ERBIN: variants seen among roughly 807,000 people sequenced by gnomAD.
The protein encoded by ERBIN is erbb2 interacting protein.
ERBIN carries 60 observed loss-of-function variants against 158.4 expected under a neutral mutation model. The observed-to-expected ratio is 0.38, with a 90% CI of 0.31 to 0.47. ERBIN has a LOEUF of 0.47. Ranked by LOEUF, ERBIN falls within the 20% of genes least tolerant of loss-of-function variation. The probability of loss-of-function intolerance (pLI) is 0.99; values close to 1 mark genes in which losing one functional copy is unlikely to be tolerated. For synonymous variants in ERBIN, 594 were observed against 557.2 expected, an observed-to-expected ratio of 1.07 and a Z score of -0.93; for missense variants, 1,610 against 1,648.0, an observed-to-expected ratio of 0.98 and a Z score of 0.40.
chr5:66,044,390 C>T (rs1758207254), intron 17 of ERBIN, 80 bp downstream of exon 17: 1 of 1,300,994 alleles, frequency 7.7e-7, no homozygotes, highest in Admixed American at 2.3e-5. Flanking sequence ...TGCCCCTTTT[C>T]ATGTACTCTG....
At chr5:65,996,845 TTTAG>T (rs1287667634) in intron 4 of ERBIN, among the ~76,000 whole-genome samples, 1 of 152,184 alleles carries the variant, frequency 6.6e-6, no homozygotes, top group Non-Finnish European at 1.5e-5. Context: ...CTTTTACCTC[TTTAG>T]TTAAATTTAT....
chr5:65,962,024 T>C (rs1382159906), intron 1 of ERBIN, among the ~76,000 whole-genome samples: 8 of 152,228 alleles, frequency 5.3e-5, no homozygotes, highest in African/African-American at 1.9e-4. Flanking sequence ...AGTTAATATC[T>C]GAAAGAAATG....
chr5:66,026,557 C>T lies in ERBIN; in HGVS notation c.1136+140C>T, dbSNP rs1018283548. On this transcript the variant is annotated intron_variant, in intron 13 of 25. Coordinates refer to ENST00000284037, the MANE Select transcript of ERBIN (RefSeq NM_001253697.2). Reference sequence around the variant, plus strand: ...GTAAGTTCTCAGTGTTATTGATAGGCTCTTGGAAAGTGTGACTTTCAGTGA... The same window carrying T: ...GTAAGTTCTCAGTGTTATTGATAGGTTCTTGGAAAGTGTGACTTTCAGTGA... 2.0e-5 allele frequency: 8 copies of T among 406,154 alleles called. 1 individual carries two copies. The highest frequency in any genetic ancestry group is 3.5e-5 in the Non-Finnish European group (8 of 231,162). 25.2% of individuals were successfully genotyped at this position (406,154 alleles called of 1,614,324 possible).
intron 4 of ERBIN, among the ~76,000 whole-genome samples, chr5:66,006,868 G>A (rs9687388): frequency 0.057 from 8,522 of 148,246 alleles, 737 homozygotes; most frequent in African/African-American, 0.2. Flanking sequence ...TAGAATGGCA[G>A]TCATTAAAAA....
chr5:66,067,598 T>C (rs1236432253), intron 21 of ERBIN, among the ~76,000 whole-genome samples: 1 of 152,182 alleles, frequency 6.6e-6, no homozygotes, highest in African/African-American at 2.4e-5. Flanking sequence ...TGAATTCAGT[T>C]TGTGAGAGGA....
intron 1 of ERBIN, among the ~76,000 whole-genome samples, chr5:65,969,962 G>A (rs1419500482): frequency 6.6e-6 from 1 of 152,068 alleles, no homozygotes; most frequent in Non-Finnish European, 1.5e-5. Flanking sequence ...TTAATATTAA[G>A]CATGATAAAC....
At chr5:66,074,175 C>T (rs1205827487) in intron 22 of ERBIN, among the ~76,000 whole-genome samples, 1 of 150,354 alleles carries the variant, frequency 6.7e-6, no homozygotes, top group Non-Finnish European at 1.5e-5. Context: ...TAGGCATGAG[C>T]TACTGCACCC....
At chr5:66,000,542 G>C (rs1390432071) in intron 4 of ERBIN, among the ~76,000 whole-genome samples, 1 of 152,070 alleles carries the variant, frequency 6.6e-6, no homozygotes, top group African/African-American at 2.4e-5. Context: ...TAATCTTTAT[G>C]TGATCAAAAG....
chr5:66,059,689 C>G (rs1760035718), intron 21 of ERBIN, among the ~76,000 whole-genome samples: 1 of 152,116 alleles, frequency 6.6e-6, no homozygotes, highest in Non-Finnish European at 1.5e-5. Flanking sequence ...ATAGACAGCT[C>G]TTACTATTTT....
chr5:66,002,944 C>G (rs574179230), intron 4 of ERBIN, among the ~76,000 whole-genome samples: 1 of 152,300 alleles, frequency 6.6e-6, no homozygotes, highest in African/African-American at 2.4e-5. Flanking sequence ...CATGTTTAGA[C>G]TGGTGATTTC....
chr5:66,039,224 G>C lies in ERBIN; in HGVS notation c.1306+742G>C, dbSNP rs143354281. 2.3e-3 allele frequency among the ~76,000 whole-genome samples: 351 copies of C among 152,030 alleles called. 1 individual carries two copies. The highest frequency in any genetic ancestry group is 7.8e-3 in the African/African-American group (324 of 41,532). On this transcript the variant is annotated intron_variant, in intron 15 of 25. Coordinates refer to ENST00000284037, the MANE Select transcript of ERBIN (RefSeq NM_001253697.2). ...AATTTATAAATTATACCACGGGCAA[G>C]TTAAATAGGTTCTTGAACTTCAGTT...
chr5:65,938,529 C>T (rs4099723), intron 1 of ERBIN, among the ~76,000 whole-genome samples: 2,617 of 151,772 alleles, frequency 0.017, 75 homozygotes, highest in African/African-American at 0.061. Context: ...GGTCCCACTC[C>T]GTTGCCCAGG....
rs1317188998 is a variant in ERBIN at position 66,043,119 on chromosome 5, G to A, written c.1349G>A (p.Trp450Ter). 1 of 1,610,730 alleles carries A rather than the reference G, an allele frequency of 6.2e-7. No individual in the cohort carries two copies. Among genetic ancestry groups the A allele is most frequent in the Non-Finnish European group, 8.5e-7 (1 of 1,177,140 alleles). Residue 450 changes from tryptophan to a stop codon, truncating the protein, a stop_gained, in exon 16 of 26, where the codon TGG (tryptophan) becomes TAG (stop). Coordinates refer to ENST00000284037, the MANE Select transcript of ERBIN (RefSeq NM_001253697.2). LOFTEE classifies it high-confidence loss of function. ...AATGAAAGTTTTAACCCTTCATTGT[G>A]GGAGGAACAGAGGAAACAGCGGGCT... ...SDNESFNPSLWEEQRKQRAQV... is the reference protein window; with the variant it reads ...SDNESFNPSL
chr5:66,073,981 T>C (rs916922395), intron 22 of ERBIN, among the ~76,000 whole-genome samples: 22 of 151,710 alleles, frequency 1.5e-4, no homozygotes, highest in Non-Finnish European at 2.5e-4. Flanking sequence ...TGGGCTCAAA[T>C]GATCCTCCTA....
In ERBIN at chr5:66,072,274, C is replaced by T. The variant is rs2151299663; in HGVS notation, c.3739C>T (p.Pro1247Ser). 6.5e-7 allele frequency: 1 copy of T among 1,550,188 alleles called. No homozygotes were observed. Among genetic ancestry groups the T allele is most frequent in the East Asian group, 2.4e-5 (1 of 40,846 alleles). Residue 1247 changes from proline (P) to serine (S), a missense_variant, in exon 22 of 26, where the codon CCA becomes TCA. Transcript: ENST00000284037. ...SATLSHKDVP[P>S]DSLMKMPLSN... ...CACACTTAGTCACAAAGATGTTCCT[C>T]CAGACAGCTTGATGAAAGTGGGTGC...
At chr5:66,069,034 C>T (rs1393237846) in intron 21 of ERBIN, 3 of 1,503,564 alleles carry the variant, frequency 2.0e-6, no homozygotes, top group South Asian at 2.6e-5. Flanking sequence ...AGTACCTACA[C>T]TAGACCAATA....
At chr5:65,977,616 G>A (rs951901504) in intron 1 of ERBIN, among the ~76,000 whole-genome samples, 27 of 150,668 alleles carry the variant, frequency 1.8e-4, no homozygotes, top group Non-Finnish European at 3.4e-4. Context: ...GGGAAGAGGC[G>A]CTCCTCACTT....
chr5:66,066,225 C>T (rs1051383664), intron 21 of ERBIN, among the ~76,000 whole-genome samples: 2 of 152,110 alleles, frequency 1.3e-5, no homozygotes, highest in African/African-American at 4.8e-5. Context: ...TACTAATTAA[C>T]TACTTTAATA....
chr5:66,018,369 A>G (rs1475695881), intron 7 of ERBIN, among the ~76,000 whole-genome samples: 1 of 129,552 alleles, frequency 7.7e-6, no homozygotes, highest in Non-Finnish European at 1.6e-5. Context: ...TTTCTTGTAT[A>G]GATCTTTCAC....
Sources: allele counts gnomAD v4.1 joint callset (sites outside exome capture counted in the v4.1 genomes callset), GRCh38; gene constraint gnomAD v4.1.1; transcripts MANE v1.5; gene names NCBI Gene and HGNC (gene_info 2026-07-23, HGNC 2026-07-21).